ETV6: variants seen among roughly 807,000 people sequenced by gnomAD.
ETV6 encodes transcription factor ETV6.
A neutral mutation model predicts 51.1 loss-of-function variants in ETV6; 16 were observed. The observed-to-expected ratio is 0.31, with a 90% CI of 0.21 to 0.48. ETV6 has a LOEUF of 0.48. Ranked by LOEUF, ETV6 falls within the 20% of genes least tolerant of loss-of-function variation. The pLI is 0.99. For missense variants in ETV6, 458 were observed against 594.8 expected (o/e 0.77, Z 2.39); for synonymous variants, 240 against 224.1 (o/e 1.07, Z -0.64).
chr12:11,890,182 A>G (rs529102472), intron 7 of ETV6, among the ~76,000 whole-genome samples: 3 of 122,016 alleles, frequency 2.5e-5, no homozygotes, highest in South Asian at 2.5e-4. Flanking sequence ...AAGTTGTCCT[A>G]TTGTCAGCAT....
intron 1 of ETV6, among the ~76,000 whole-genome samples, chr12:11,681,857 A>T (rs1403222650): frequency 6.6e-6 from 1 of 152,178 alleles, no homozygotes; most frequent in African/African-American, 2.4e-5. Context: ...GCTGAGAATG[A>T]TGGTTTCCAG....
At chr12:11,771,585 A>C (rs1000558922) in intron 2 of ETV6, among the ~76,000 whole-genome samples, 1 of 152,174 alleles carries the variant, frequency 6.6e-6, no homozygotes, top group Non-Finnish European at 1.5e-5. Context: ...CGCCAATGAC[A>C]ACTCTACACT....
At chr12:11,829,856 A>C (rs1454922241) in intron 2 of ETV6, among the ~76,000 whole-genome samples, 1 of 152,162 alleles carries the variant, frequency 6.6e-6, no homozygotes, top group African/African-American at 2.4e-5. Flanking sequence ...AGAAATAGGA[A>C]ATGTTTTGGA....
intron 2 of ETV6, among the ~76,000 whole-genome samples, chr12:11,810,015 T>A (rs1444542670): frequency 1.3e-5 from 2 of 151,978 alleles, no homozygotes; most frequent in Non-Finnish European, 2.9e-5. Flanking sequence ...GAGACAGGGT[T>A]TCACCATGTT....
chr12:11,820,812 G>A (rs1009516665), intron 2 of ETV6, among the ~76,000 whole-genome samples: 23 of 152,204 alleles, frequency 1.5e-4, no homozygotes, highest in Non-Finnish European at 2.9e-4. Flanking sequence ...TCTGGGCAGA[G>A]TGACATGATG....
rs1947357009 is a variant in ETV6 at position 11,894,317 on chromosome 12, T to C, written c.*3271T>C. 4.3e-6 allele frequency: 1 copy of C among 233,056 alleles called. No homozygotes were observed. Among genetic ancestry groups the C allele is most frequent in the Non-Finnish European group, 8.5e-6 (1 of 117,910 alleles). 14.4% of individuals were successfully genotyped at this position (233,056 alleles called of 1,614,324 possible). Reference sequence around the variant, plus strand: ...TGCATTCTCACTTGGGTCTTGAAGTTCTCATTCCTACATCTCAAGCTAGCC... The same window carrying C: ...TGCATTCTCACTTGGGTCTTGAAGTCCTCATTCCTACATCTCAAGCTAGCC... On this transcript the variant is annotated 3_prime_UTR_variant, in exon 8 of 8. Transcript: ENST00000396373.
Position 11,785,248 on chromosome 12 carries a change from C to T in ETV6, c.163+32669C>T, listed in dbSNP as rs748687138. ...TACCTCAGGCCTTTGCACTTGCTGA[C>T]CTCGCTCGCTGGGATGCTCTTCTAC... On this transcript the variant is annotated intron_variant, in intron 2 of 7. Coordinates refer to ENST00000396373, the MANE Select transcript of ETV6 (RefSeq NM_001987.5). 1.3e-5 allele frequency among the ~76,000 whole-genome samples: 2 copies of T among 152,046 alleles called. 1 individual carries two copies. The highest frequency in any genetic ancestry group is 2.9e-5 in the Non-Finnish European group (2 of 68,004).
chr12:11,657,646 C>G (rs544870273), intron 1 of ETV6, among the ~76,000 whole-genome samples: 1 of 152,174 alleles, frequency 6.6e-6, no homozygotes, highest in African/African-American at 2.4e-5. Flanking sequence ...GATGGCCTCC[C>G]TGGGGGTATT....
At chr12:11,661,686 G>A (rs1000516293) in intron 1 of ETV6, among the ~76,000 whole-genome samples, 3 of 152,202 alleles carry the variant, frequency 2.0e-5, no homozygotes, top group Admixed American at 6.5e-5. Context: ...ATCTGCTGAC[G>A]CTGATACTTT....
chr12:11,823,469 CTTTTTTTT>C (rs756553588), intron 2 of ETV6, among the ~76,000 whole-genome samples: 5 of 137,554 alleles, frequency 3.6e-5, no homozygotes, highest in Admixed American at 7.2e-5. Flanking sequence ...TCCTTTTTTT[CTTTTTTTT>C]TTTTTTTGAG....
At chr12:11,804,710 C>T (rs1176846720) in intron 2 of ETV6, among the ~76,000 whole-genome samples, 1 of 152,218 alleles carries the variant, frequency 6.6e-6, no homozygotes, top group Non-Finnish European at 1.5e-5. Context: ...TGGCAATTTT[C>T]ACCACCTGAC....
chr12:11,787,082 T>G (rs1309117983), intron 2 of ETV6, among the ~76,000 whole-genome samples: 1 of 152,196 alleles, frequency 6.6e-6, no homozygotes, highest in Non-Finnish European at 1.5e-5. Context: ...GTTTAGTATT[T>G]CAAATGTCTC....
intron 5 of ETV6, among the ~76,000 whole-genome samples, chr12:11,870,697 A>G (rs1053274296): frequency 6.6e-6 from 1 of 152,200 alleles, no homozygotes; most frequent in African/African-American, 2.4e-5. Context: ...ATATTTGTTG[A>G]GCACCTGCTG....
chr12:11,751,434 A>G (rs1866025691), intron 1 of ETV6: 1 of 518,902 alleles, frequency 1.9e-6, no homozygotes, highest in Non-Finnish European at 3.8e-6. Flanking sequence ...CAGTTAAACC[A>G]CAGACACTCC....
At chr12:11,700,906 A>G (rs902317382) in intron 1 of ETV6, among the ~76,000 whole-genome samples, 1 of 152,124 alleles carries the variant, frequency 6.6e-6, no homozygotes, top group South Asian at 2.1e-4. Context: ...TCGAGGGTCC[A>G]CTGTATTTCA....
intron 1 of ETV6, among the ~76,000 whole-genome samples, chr12:11,735,646 G>T (rs1865690251): frequency 6.6e-6 from 1 of 152,152 alleles, no homozygotes; most frequent in Admixed American, 6.5e-5. Context: ...TGTTGCCCAG[G>T]CTGGAGTGCA....
chr12:11,751,733 C>T (rs1025409919), intron 1 of ETV6: 9 of 393,840 alleles, frequency 2.3e-5, no homozygotes, highest in African/African-American at 1.9e-4. Flanking sequence ...TCAGATAATT[C>T]TTTGAATGAA....
intron 1 of ETV6, among the ~76,000 whole-genome samples, chr12:11,709,396 G>A (rs1038671419): frequency 1.3e-5 from 2 of 151,828 alleles, no homozygotes; most frequent in South Asian, 2.1e-4. Context: ...TCGAGATGAG[G>A]TCTCGCTATG....
At chr12:11,827,193 C>T (rs1946169556) in intron 2 of ETV6, among the ~76,000 whole-genome samples, 1 of 151,828 alleles carries the variant, frequency 6.6e-6, no homozygotes, top group Non-Finnish European at 1.5e-5. Context: ...GAGGCGTCAG[C>T]AACGCTGTTA....
Sources: allele counts gnomAD v4.1 joint callset (sites outside exome capture counted in the v4.1 genomes callset), GRCh38; gene constraint gnomAD v4.1.1; transcripts MANE v1.5; gene names NCBI Gene and HGNC (gene_info 2026-07-23, HGNC 2026-07-21).